Variants in PLG observed in about 807,000 individuals in gnomAD.
The protein encoded by PLG is plasmin.
PLG carries 41 observed loss-of-function variants against 104.4 expected under a neutral mutation model. The ratio of observed to expected loss-of-function variants is 0.39; its 90% CI spans 0.31 to 0.51. PLG has a LOEUF of 0.51. Ranked by LOEUF, PLG falls within the 20% of genes least tolerant of loss-of-function variation. The pLI is 0.76. For missense variants in PLG, 891 were observed against 1,003.6 expected (o/e 0.89, Z 1.52); for synonymous variants, 337 against 357.1 (o/e 0.94, Z 0.63).
chr6:160,703,193 G>T (rs1777452397), intron 1 of PLG, among the ~76,000 whole-genome samples: 2 of 151,658 alleles, frequency 1.3e-5, no homozygotes, highest in South Asian at 4.2e-4. Flanking sequence ...AGGAATCTAG[G>T]GCTCTTCTCA....
rs4252155 is a variant in PLG, at chr6:160,739,473, T to C, written c.2018+265T>C. Among the ~76,000 whole-genome samples, 13,493 of 152,264 alleles carry C rather than the reference T, an allele frequency of 0.089. 1,591 individuals are homozygous for C. Among genetic ancestry groups the C allele is most frequent in the Middle Eastern group, 0.27 (80 of 294 alleles). On this transcript the variant is annotated intron_variant, in intron 16 of 18. Transcript: ENST00000308192. This position sits in a 1 kb window ranked among gnomAD's most constrained non-coding sequence, Gnocchi z 4.4. ...TCTGTTACTCCTAGAACTCACTTAATGTTCACCAGTTCATACACATTCATG... is the reference window on the plus strand; with the variant it reads ...TCTGTTACTCCTAGAACTCACTTAACGTTCACCAGTTCATACACATTCATG...
rs1440886025 is a variant in PLG at position 160,753,548 on chromosome 6, A to G, written c.*487A>G. Among the ~76,000 whole-genome samples, 1 of 152,168 alleles carries G rather than the reference A, an allele frequency of 6.6e-6. No individual in the cohort carries two copies. Among genetic ancestry groups the G allele is most frequent in the African/African-American group, 2.4e-5 (1 of 41,428 alleles). The stretch of plus-strand genomic sequence containing the variant: ...GAATGTTTTCAAAGCTGCAACATGT[A>G]TGGGGAGTCATGCAAACCGATTCTG... On this transcript the variant is annotated 3_prime_UTR_variant, in exon 19 of 19. Coordinates refer to ENST00000308192, the MANE Select transcript of PLG (RefSeq NM_000301.5). The surrounding 1 kb of genome is among the most constrained non-coding windows in gnomAD (Gnocchi z 5.4).
intron 17 of PLG, among the ~76,000 whole-genome samples, chr6:160,749,053 G>A (rs1582953560): frequency 6.6e-6 from 1 of 152,174 alleles, no homozygotes; most frequent in East Asian, 1.9e-4. Flanking sequence ...ATAGGCTGCT[G>A]GGCAGCCAAA....
At chr6:160,748,366 A>AAGAGAGAGAGAGAGAG (rs1554252951) in intron 17 of PLG, among the ~76,000 whole-genome samples, 3 of 38,134 alleles carry the variant, frequency 7.9e-5, no homozygotes, top group Non-Finnish European at 1.0e-4. Context: ...GAAAGAAAGA[A>AAGAGAGAGAGAGAGAG]AGAAAGAAAG....
chr6:160,726,350 A>G lies in PLG; in HGVS notation c.1256+3783A>G, dbSNP rs1777921245. Among the ~76,000 whole-genome samples, 1 of 152,142 alleles carries G rather than the reference A, an allele frequency of 6.6e-6. No homozygotes were observed. Among genetic ancestry groups the G allele is most frequent in the Admixed American group, 6.5e-5 (1 of 15,282 alleles). On this transcript the variant is annotated intron_variant, in intron 10 of 18. Transcript: ENST00000308192. This position sits in a 1 kb window ranked among gnomAD's most constrained non-coding sequence, Gnocchi z 4.4. ...CACATTTCCAAATACTTCATAAGTC[A>G]AAGAAGGAATTTAGAAAAGTTTTGA...
chr6:160,706,211 A>C (rs1377926648), intron 1 of PLG, 196 bp from the exon 2 acceptor site: 1 of 695,774 alleles, frequency 1.4e-6, no homozygotes, highest in African/African-American at 1.8e-5. Context: ...TTTAGTTGCC[A>C]TCTTTATTTA....
In PLG at chr6:160,731,437, G is replaced by C. The variant is rs1167091700; in HGVS notation, c.1438+205G>C. ...ACAACGTGAGTGGGCTGTGCCTTTA[G>C]GACAGGTGCAAACCCTCCAAGGTGC... On this transcript the variant is annotated intron_variant, in intron 11 of 18. Coordinates refer to ENST00000308192, the MANE Select transcript of PLG (RefSeq NM_000301.5). This position sits in a 1 kb window ranked among gnomAD's most constrained non-coding sequence, Gnocchi z 5.1. Among the ~76,000 whole-genome samples, 2 of 152,156 alleles carry C rather than the reference G, an allele frequency of 1.3e-5. No individual in the cohort carries two copies. Among genetic ancestry groups the C allele is most frequent in the Non-Finnish European group, 2.9e-5 (2 of 68,024 alleles).
Position 160,739,072 on chromosome 6 carries a change from C to T in PLG, c.1882C>T (p.Pro628Ser), listed in dbSNP as rs778793621. The part of the protein sequence containing the change: ...LTAAHCLEKS[P>S]RPSSYKVILG... ...TGACGTCCTCATCTTTTCTAGGTCC[C>T]CAAGGCCTTCATCCTACAAGGTCAT... is the stretch of plus-strand genomic sequence containing the variant. Residue 628 changes from proline to serine, a missense_variant, in exon 16 of 19, where the codon CCA becomes TCA. Physicochemically the swap from Pro to Ser is moderately conservative, Grantham distance 74. Transcript: ENST00000308192. This position sits in a 1 kb window ranked among gnomAD's most constrained non-coding sequence, Gnocchi z 4.4. The T allele has an allele frequency of 6.2e-7, 1 of 1,613,992 alleles. No homozygotes were observed. Among genetic ancestry groups the T allele is most frequent in the South Asian group, 1.1e-5 (1 of 91,064 alleles).
At chr6:160,714,139 A>C (rs548928831) in intron 5 of PLG, among the ~76,000 whole-genome samples, 7 of 152,348 alleles carry the variant, frequency 4.6e-5, no homozygotes, top group Non-Finnish European at 7.4e-5. Context: ...CATAAAATTT[A>C]AGTCACATAT....
rs4252068 is a variant in PLG at position 160,706,234 on chromosome 6, C to T, written c.50-173C>T. On this transcript the variant is annotated intron_variant, in intron 1 of 18. Transcript: ENST00000308192. ...CCATCTTTATTTATGTCCAAATGCCCGACTGTGTGTTCTTAACTAAACATT... is the reference window on the plus strand; with the variant it reads ...CCATCTTTATTTATGTCCAAATGCCTGACTGTGTGTTCTTAACTAAACATT... The T allele has an allele frequency of 4.8e-3, 3,891 of 804,410 alleles. 116 individuals are homozygous for T. The African/African-American group carries it at 0.06, about 12-fold the overall frequency. The allele number at this position is 804,410 out of a possible 1,614,324, so 49.8% of individuals were successfully genotyped here.
Position 160,737,180 on chromosome 6 carries a change from A to G in PLG, c.1802+173A>G, listed in dbSNP as rs1313842301. On this transcript the variant is annotated intron_variant, in intron 14 of 18. Coordinates refer to ENST00000308192, the MANE Select transcript of PLG (RefSeq NM_000301.5). The surrounding 1 kb of genome is among the most constrained non-coding windows in gnomAD (Gnocchi z 4.7). Reference sequence around the variant, plus strand: ...TATGTATATATACATATATATTTTTATAGGTTCTCTACTGTGAAAATGACA... The same window carrying G: ...TATGTATATATACATATATATTTTTGTAGGTTCTCTACTGTGAAAATGACA... 6.6e-6 allele frequency among the ~76,000 whole-genome samples: 1 copy of G among 152,144 alleles called. No homozygotes were observed. The highest frequency in any genetic ancestry group is 2.4e-5 in the African/African-American group (1 of 41,422).
chr6:160,738,671 T>G lies in PLG; in HGVS notation c.1877+59T>G, dbSNP rs944199615. 9.8e-7 allele frequency: 1 copy of G among 1,015,886 alleles called. No homozygotes were observed. Among genetic ancestry groups the G allele is most frequent in the African/African-American group, 1.6e-5 (1 of 63,362 alleles). The allele number at this position is 1,015,886 out of a possible 1,614,324, so 62.9% of individuals were successfully genotyped here. A position where few individuals can be genotyped will look rare whatever the true frequency, so the allele number is the denominator to read the frequency against. ...TCTTAAATACTTTTTCTGTCCTTCT[T>G]TTCCTCCTTTCCTCCTTTCCTTTCT... On this transcript the variant is annotated intron_variant, in intron 15 of 18. Transcript: ENST00000308192. This position sits in a 1 kb window ranked among gnomAD's most constrained non-coding sequence, Gnocchi z 6.8.
rs372999008 is a variant in PLG, at chr6:160,706,471, G to C, written c.114G>C (p.Lys38Asn). 6.2e-7 allele frequency: 1 copy of C among 1,613,862 alleles called. No individual in the cohort carries two copies. The change falls in exon 2 of 19, where the codon AAG (lysine) becomes AAC (asparagine). Residue 38 changes from lysine to asparagine, a missense_variant. Lys to Asn is a moderately conservative substitution (Grantham distance 94). Transcript: ENST00000308192. ...GGGCTTCACTGTTCAGTGTCACTAA[G>C]AAGCAGCTGGGAGCAGGAAGTATAG... Reference protein sequence around the residue: ...TQGASLFSVTKKQLGAGSIEE... With the variant: ...TQGASLFSVTNKQLGAGSIEE...
intron 4 of PLG, 84 bp from the exon 5 acceptor site, chr6:160,712,902 A>T: frequency 1.0e-6 from 1 of 985,950 alleles, no homozygotes. Context: ...CTCAGATGGG[A>T]ATCGAGAGCA....
rs1299462977 is a variant in PLG at position 160,753,625 on chromosome 6, C to T, written c.*564C>T. On this transcript the variant is annotated 3_prime_UTR_variant, in exon 19 of 19. Coordinates refer to ENST00000308192, the MANE Select transcript of PLG (RefSeq NM_000301.5). This position sits in a 1 kb window ranked among gnomAD's most constrained non-coding sequence, Gnocchi z 5.4. Reference sequence around the variant, plus strand: ...CTGCTTGACTTGAGCCCAGGGGACACGGAGCAGAGAGCTGTATATGATGGA... The same window carrying T: ...CTGCTTGACTTGAGCCCAGGGGACATGGAGCAGAGAGCTGTATATGATGGA... 6.6e-6 allele frequency among the ~76,000 whole-genome samples: 1 copy of T among 152,038 alleles called. No homozygotes were observed. Among genetic ancestry groups the T allele is most frequent in the Non-Finnish European group, 1.5e-5 (1 of 68,020 alleles).
intron 17 of PLG, among the ~76,000 whole-genome samples, chr6:160,743,467 T>C (rs773818341): frequency 9.2e-5 from 14 of 152,228 alleles, no homozygotes; most frequent in Non-Finnish European, 1.6e-4. Context: ...GCTTGGCTGT[T>C]GTTGGTGTAA....
Position 160,712,950 on chromosome 6 carries a change from A to G in PLG, c.408-36A>G, listed in dbSNP as rs763010582. The G allele has an allele frequency of 8.9e-6, 14 of 1,575,822 alleles. No individual in the cohort carries two copies. The South Asian group carries it at 1.6e-4, about 17-fold the overall frequency. ...TTGCTAATAGCAAGCTGATTTTTAG[A>G]ATATAGTCTAAGTGCTTCTTTTCCA... On this transcript the variant is annotated intron_variant, in intron 4 of 18. Transcript: ENST00000308192.
At chr6:160,745,570 G>C (rs571161346) in intron 17 of PLG, among the ~76,000 whole-genome samples, 4 of 152,082 alleles carry the variant, frequency 2.6e-5, no homozygotes, top group Non-Finnish European at 5.9e-5. Flanking sequence ...TCTCTTGAAG[G>C]TAGCATACCA....
chr6:160,726,168 T>G lies in PLG; in HGVS notation c.1256+3601T>G, dbSNP rs578252103. ...TACACATTCAAGTATGCATGGAGCA[T>G]TCCCCAACATATACCATATGTGTGG... is the stretch of plus-strand genomic sequence containing the variant. On this transcript the variant is annotated intron_variant, in intron 10 of 18. Coordinates refer to ENST00000308192, the MANE Select transcript of PLG (RefSeq NM_000301.5). The surrounding 1 kb of genome is among the most constrained non-coding windows in gnomAD (Gnocchi z 4.4). 5.9e-5 allele frequency among the ~76,000 whole-genome samples: 9 copies of G among 152,274 alleles called. No homozygotes were observed. The highest frequency in any genetic ancestry group is 1.3e-4 in the Non-Finnish European group (9 of 67,962).
Sources: allele counts gnomAD v4.1 joint callset (sites outside exome capture counted in the v4.1 genomes callset), GRCh38; gene constraint gnomAD v4.1.1; non-coding constraint Gnocchi (gnomAD v3.1); transcripts MANE v1.5; gene names NCBI Gene and HGNC (gene_info 2026-07-23, HGNC 2026-07-21).